INTS7: variants seen among roughly 807,000 people sequenced by gnomAD.
INTS7 encodes the protein chromosome 1 open reading frame 73.
INTS7 carries 46 observed loss-of-function variants against 109.2 expected under a neutral mutation model. That is an observed-to-expected ratio of 0.42 (90% CI 0.33 to 0.54). The LOEUF is 0.54. Ranked by LOEUF, INTS7 falls within the 20% of genes least tolerant of loss-of-function variation. INTS7 has a pLI of 0.07. For synonymous variants in INTS7, 412 were observed against 402.9 expected, an observed-to-expected ratio of 1.02 and a Z score of -0.27; for missense variants, 929 against 1,132.4, an observed-to-expected ratio of 0.82 and a Z score of 2.58.
chr1:211,943,824 G>A (rs2102376003), intron 19 of INTS7, among the ~76,000 whole-genome samples: 1 of 152,288 alleles, frequency 6.6e-6, no homozygotes. Flanking sequence ...CAATAAACCT[G>A]GACACAGCCA....
chr1:211,994,733 GA>G (rs1418881083), intron 7 of INTS7, among the ~76,000 whole-genome samples: 1 of 146,618 alleles, frequency 6.8e-6, no homozygotes, highest in East Asian at 2.0e-4. Context: ...GTGCCCAGAG[GA>G]AAAAAATTCT....
chr1:211,976,763 A>G, intron 11 of INTS7, 44 bp from the exon 12 acceptor site: 4 of 1,596,280 alleles, frequency 2.5e-6, no homozygotes, highest in Non-Finnish European at 3.4e-6. Context: ...ATTTAATTTT[A>G]TTCAGTGTCA....
At chr1:211,984,013 G>A (rs187361998) in intron 8 of INTS7, among the ~76,000 whole-genome samples, 1 of 152,048 alleles carries the variant, frequency 6.6e-6, no homozygotes, top group East Asian at 1.9e-4. Flanking sequence ...ACAGGTGCAT[G>A]CCACCATACC....
chr1:211,954,317 T>A (rs1663256842), intron 16 of INTS7, among the ~76,000 whole-genome samples: 1 of 152,182 alleles, frequency 6.6e-6, no homozygotes, highest in Non-Finnish European at 1.5e-5. Flanking sequence ...GATGAGTAGG[T>A]TGCGAAAATT....
intron 1 of INTS7, among the ~76,000 whole-genome samples, chr1:212,034,298 TGAGA>T (rs539013194): frequency 5.3e-4 from 81 of 152,180 alleles, no homozygotes; most frequent in African/African-American, 1.8e-3. Context: ...TTTAAGAGCC[TGAGA>T]AACTCTTATT....
At chr1:211,994,942 C>A (rs565482508) in intron 7 of INTS7, among the ~76,000 whole-genome samples, 3 of 151,400 alleles carry the variant, frequency 2.0e-5, no homozygotes, top group East Asian at 3.9e-4. Context: ...AAGCTCAATG[C>A]AAATATTATT....
intron 17 of INTS7, among the ~76,000 whole-genome samples, chr1:211,950,799 T>C (rs1663051735): frequency 6.6e-6 from 1 of 152,228 alleles, no homozygotes; most frequent in South Asian, 2.1e-4. Flanking sequence ...CTGTGTCTTC[T>C]GCTGGGCAGA....
chr1:212,013,274 G>A (rs2102477803), intron 4 of INTS7, among the ~76,000 whole-genome samples: 1 of 152,214 alleles, frequency 6.6e-6, no homozygotes, highest in African/African-American at 2.4e-5. Context: ...CCCGGCCTCA[G>A]CCTCCCAAAT....
intron 1 of INTS7, among the ~76,000 whole-genome samples, chr1:212,024,189 G>A (rs149338175): frequency 1.5e-3 from 234 of 151,942 alleles, no homozygotes; most frequent in Non-Finnish European, 2.7e-3. Flanking sequence ...GGCTATTTAC[G>A]CTCTTTTTTG....
chr1:211,960,095 CCCCT>C (rs2102399892), intron 16 of INTS7, among the ~76,000 whole-genome samples: 1 of 152,242 alleles, frequency 6.6e-6, no homozygotes, highest in East Asian at 1.9e-4. Context: ...GCACCTTGGC[CCCCT>C]ACCCAGCGCA....
intron 16 of INTS7, among the ~76,000 whole-genome samples, chr1:211,953,235 C>T (rs770043199): frequency 2.6e-5 from 4 of 152,048 alleles, no homozygotes; most frequent in East Asian, 3.8e-4. Context: ...GGAGATGAAA[C>T]GCATAGGCAC....
chr1:211,982,939 A>G, intron 8 of INTS7, 129 bp from the exon 9 acceptor site: 1 of 625,202 alleles, frequency 1.6e-6, no homozygotes, highest in Non-Finnish European at 2.7e-6. Flanking sequence ...ATTTCCTACC[A>G]CAATCCCACT....
Position 211,981,142 on chromosome 1 carries a change from A to T in INTS7, c.1181T>A (p.Leu394Gln). The change falls in exon 10 of 20, where the codon CTG becomes CAG. Residue 394 changes from leucine (L) to glutamine (Q), a missense_variant. Leu to Gln is a moderately radical substitution (Grantham distance 113, BLOSUM62 -2). Transcript: ENST00000366994. ...QDAVFGLESL[L>Q]VLCSQDDSPG... ...ACTATCATCTTGACTACAAAGTACC[A>T]GTAGGGATTCCAGGCCAAAGACAGC... is the stretch of plus-strand genomic sequence containing the variant. 1 of 1,613,698 alleles carries T rather than the reference A, an allele frequency of 6.2e-7. No homozygotes were observed. The highest frequency in any genetic ancestry group is 2.2e-5 in the East Asian group (1 of 44,850).
At chr1:212,019,976 G>T in intron 3 of INTS7, 146 bp downstream of exon 3, 1 of 520,932 alleles carries the variant, frequency 1.9e-6, no homozygotes, top group Non-Finnish European at 3.3e-6. Context: ...GACTGGGATA[G>T]TTATCACAGT....
rs1419468812 is a variant in INTS7 at position 212,007,245 on chromosome 1, A to G, written c.756+5T>C. 6.2e-7 allele frequency: 1 copy of G among 1,605,722 alleles called. No individual in the cohort carries two copies. Among genetic ancestry groups the G allele is most frequent in the Non-Finnish European group, 8.5e-7 (1 of 1,172,760 alleles). Reference sequence around the variant, plus strand: ...GATAGGCAGTTTAAAGAAAATTGAAATTACCTGCTTAGGTGTATCAACCAA... The same window carrying G: ...GATAGGCAGTTTAAAGAAAATTGAAGTTACCTGCTTAGGTGTATCAACCAA... On this transcript the variant is annotated splice_donor_5th_base_variant and intron_variant, in intron 6 of 19. Transcript: ENST00000366994.
At chr1:211,990,851 T>A (rs1057471506) in intron 7 of INTS7, among the ~76,000 whole-genome samples, 1 of 151,848 alleles carries the variant, frequency 6.6e-6, no homozygotes, top group Non-Finnish European at 1.5e-5. Context: ...TAAAACCTGA[T>A]GAAAAAGGAA....
At chr1:212,000,920 G>T (rs1665639086) in intron 7 of INTS7, among the ~76,000 whole-genome samples, 1 of 152,022 alleles carries the variant, frequency 6.6e-6, no homozygotes, top group Non-Finnish European at 1.5e-5. Flanking sequence ...CCCACTCAAG[G>T]CCATTGCTGT....
chr1:212,013,213 G>T (rs949210084), intron 4 of INTS7, among the ~76,000 whole-genome samples: 2 of 152,092 alleles, frequency 1.3e-5, no homozygotes, highest in African/African-American at 4.8e-5. Flanking sequence ...TCTTTGAGGG[G>T]TCTCACTATG....
intron 7 of INTS7, among the ~76,000 whole-genome samples, chr1:211,995,378 T>C (rs1665334722): frequency 6.6e-6 from 1 of 150,554 alleles, no homozygotes; most frequent in African/African-American, 2.5e-5. Context: ...CTGTTTTTTC[T>C]TTCTTTATTT....
Sources: gnomAD v4.1 joint callset for allele counts (sites outside exome capture counted in the v4.1 genomes callset) on GRCh38, gnomAD v4.1.1 for gene constraint, MANE v1.5 for transcripts, NCBI Gene and HGNC (gene_info 2026-07-23, HGNC 2026-07-21) for gene names.